The following AGAP1 variants were observed in gnomAD, a reference collection of about 807,000 sequenced individuals.
AGAP1 encodes ArfGAP with GTPase domain, ankyrin repeat and PH domain 1, also known as arf-GAP with GTPase, ANK repeat and PH domain-containing protein 1.
In AGAP1, 29 loss-of-function variants were observed where a neutral mutation model predicts 105.3. The observed-to-expected ratio is 0.28, with a 90% CI of 0.21 to 0.38. AGAP1 has a LOEUF of 0.38. Among genes scored for constraint, AGAP1 ranks in the 10% least tolerant of loss-of-function variants. AGAP1 has a pLI of 1.00. For missense variants in AGAP1, 998 were observed against 1,165.1 expected (o/e 0.86, Z 2.09); for synonymous variants, 509 against 485.9 (o/e 1.05, Z -0.63).
chr2:235,614,978 T>C lies in AGAP1; in HGVS notation c.164-94201T>C, dbSNP rs899883085. On this transcript the variant is annotated intron_variant, in intron 1 of 17. Coordinates refer to ENST00000304032, the MANE Select transcript of AGAP1 (RefSeq NM_001037131.3). The surrounding 1 kb of genome is among the most constrained non-coding windows in gnomAD (Gnocchi z 4.7). ...AAGTCCAAGTAAACTTCTGCCTGTG[T>C]GTGGTGCGCTCAAATAAAGGAGGCT... Among the ~76,000 whole-genome samples, 1 of 152,220 alleles carries C rather than the reference T, an allele frequency of 6.6e-6. No homozygotes were observed. Among genetic ancestry groups the C allele is most frequent in the Non-Finnish European group, 1.5e-5 (1 of 68,042 alleles).
At chr2:235,693,809 C>T (rs1401863410) in intron 1 of AGAP1, among the ~76,000 whole-genome samples, 2 of 152,180 alleles carry the variant, frequency 1.3e-5, no homozygotes, top group African/African-American at 4.8e-5. Context: ...CTGAAAAAAT[C>T]AGAAATAAAC....
Position 236,003,659 on chromosome 2 carries a change from A to G in AGAP1, c.1646-32902A>G, listed in dbSNP as rs1576028931. On this transcript the variant is annotated intron_variant, in intron 13 of 17. Coordinates refer to ENST00000304032, the MANE Select transcript of AGAP1 (RefSeq NM_001037131.3). This position sits in a 1 kb window ranked among gnomAD's most constrained non-coding sequence, Gnocchi z 4.2. ...GCGCCTGTTCTTTCTCTGGCTGTGCACCTGGCAGTGCTGAGAGGAGAGCCT... is the reference window on the plus strand; with the variant it reads ...GCGCCTGTTCTTTCTCTGGCTGTGCGCCTGGCAGTGCTGAGAGGAGAGCCT... Among the ~76,000 whole-genome samples the G allele has an allele frequency of 6.6e-6, 1 of 152,132 alleles. No individual in the cohort carries two copies. Among genetic ancestry groups the G allele is most frequent in the East Asian group, 1.9e-4 (1 of 5,186 alleles).
chr2:236,067,711 G>A (rs571122117), intron 16 of AGAP1, among the ~76,000 whole-genome samples: 3 of 152,308 alleles, frequency 2.0e-5, no homozygotes, highest in Non-Finnish European at 4.4e-5. Flanking sequence ...TCTCTGTTCT[G>A]GGGAAGAAAC....
intron 2 of AGAP1, among the ~76,000 whole-genome samples, chr2:235,713,719 C>T (rs919455595): frequency 1.1e-4 from 17 of 152,238 alleles, no homozygotes; most frequent in Non-Finnish European, 2.2e-4. Flanking sequence ...TTCGTCTCTT[C>T]TGGCTCCTGT....
rs1420244824 is a variant in AGAP1, at chr2:235,691,272, T to C, written c.164-17907T>C. 1.3e-5 allele frequency among the ~76,000 whole-genome samples: 2 copies of C among 152,148 alleles called. No individual in the cohort carries two copies. Among genetic ancestry groups the C allele is most frequent in the African/African-American group, 2.4e-5 (1 of 41,436 alleles). ...GGCTCTGTGCCTGGCCCCAGGACTG[T>C]CATATCCAGGGAAAGGTCACTCTCT... is the stretch of plus-strand genomic sequence containing the variant. On this transcript the variant is annotated intron_variant, in intron 1 of 17. Coordinates refer to ENST00000304032, the MANE Select transcript of AGAP1 (RefSeq NM_001037131.3). The surrounding 1 kb of genome is among the most constrained non-coding windows in gnomAD (Gnocchi z 4.4).
Position 235,750,318 on chromosome 2 carries a change from G to A in AGAP1, c.539-36G>A. The A allele has an allele frequency of 6.2e-7, 1 of 1,613,190 alleles. No individual in the cohort carries two copies. Among genetic ancestry groups the A allele is most frequent in the Non-Finnish European group, 8.5e-7 (1 of 1,179,252 alleles). ...GTAGGAAGTATTTAGAGCTGTCATT[G>A]TCACTGTGCCGTTACTTTTTGGTCT... On this transcript the variant is annotated intron_variant, in intron 5 of 17. Coordinates refer to ENST00000304032, the MANE Select transcript of AGAP1 (RefSeq NM_001037131.3). This position sits in a 1 kb window ranked among gnomAD's most constrained non-coding sequence, Gnocchi z 5.3.
chr2:236,098,667 C>T (rs1360912986), intron 16 of AGAP1, among the ~76,000 whole-genome samples: 1 of 138,640 alleles, frequency 7.2e-6, no homozygotes, highest in African/African-American at 2.9e-5. Context: ...CTCTGTTGCC[C>T]AGGCTGGAGT....
chr2:235,726,947 T>C (rs1951677590), intron 3 of AGAP1, among the ~76,000 whole-genome samples: 1 of 152,164 alleles, frequency 6.6e-6, no homozygotes, highest in African/African-American at 2.4e-5. Flanking sequence ...CTTGCCTGTG[T>C]TGGGTGGGCA....
At chr2:235,850,899 T>C (rs1192052827) in intron 9 of AGAP1, among the ~76,000 whole-genome samples, 1 of 152,182 alleles carries the variant, frequency 6.6e-6, no homozygotes, top group Non-Finnish European at 1.5e-5. Flanking sequence ...GATTGTGGTC[T>C]GTGGTGGGCA....
At chr2:235,774,940 A>G (rs1356223) in intron 6 of AGAP1, among the ~76,000 whole-genome samples, 36,192 of 152,076 alleles carry the variant, frequency 0.24, 4,911 homozygotes, top group Admixed American at 0.39. Context: ...TCTGGTGCCA[A>G]AATGTCAGTT....
intron 1 of AGAP1, chr2:235,670,381 CT>C: frequency 3.6e-6 from 2 of 552,972 alleles, no homozygotes; most frequent in Non-Finnish European, 3.3e-6. Flanking sequence ...ATTTCCGCAC[CT>C]TCCGCACCCG....
At chr2:235,898,306 T>C (rs1006783579) in intron 10 of AGAP1, among the ~76,000 whole-genome samples, 2 of 152,168 alleles carry the variant, frequency 1.3e-5, no homozygotes, top group Non-Finnish European at 2.9e-5. Context: ...CCCTTCTTTT[T>C]TTCCCCTTGC....
At chr2:235,762,087 G>C (rs1954490111) in intron 6 of AGAP1, among the ~76,000 whole-genome samples, 1 of 149,732 alleles carries the variant, frequency 6.7e-6, no homozygotes, top group Non-Finnish European at 1.5e-5. Flanking sequence ...CCAGCCTGGG[G>C]GGATAAGAGG....
chr2:235,982,543 G>T lies in AGAP1; in HGVS notation c.1645+13920G>T, dbSNP rs1245460623. 6.6e-6 allele frequency among the ~76,000 whole-genome samples: 1 copy of T among 152,114 alleles called. No individual in the cohort carries two copies. The highest frequency in any genetic ancestry group is 1.5e-5 in the Non-Finnish European group (1 of 68,026). ...AACCTGTATTATCATTGGTTCTAGG[G>T]GACTACTGAAGATAAGAATTTTCAA... On this transcript the variant is annotated intron_variant, in intron 13 of 17. Coordinates refer to ENST00000304032, the MANE Select transcript of AGAP1 (RefSeq NM_001037131.3). This position sits in a 1 kb window ranked among gnomAD's most constrained non-coding sequence, Gnocchi z 4.9.
intron 9 of AGAP1, among the ~76,000 whole-genome samples, chr2:235,850,789 G>C (rs947918878): frequency 1.3e-5 from 2 of 152,200 alleles, no homozygotes; most frequent in Non-Finnish European, 2.9e-5. Flanking sequence ...CATGATGACT[G>C]TACTTCAAAG....
chr2:236,068,679 A>C lies in AGAP1; in HGVS notation c.2114+19398A>C, dbSNP rs565382215. Among the ~76,000 whole-genome samples, 6 of 149,360 alleles carry C rather than the reference A, an allele frequency of 4.0e-5. No individual in the cohort carries two copies. In the South Asian group the frequency reaches 1.3e-3, roughly 32 times the overall value. On this transcript the variant is annotated intron_variant, in intron 16 of 17. Transcript: ENST00000304032. ...GCCGGGCGTGGTGGCGGGCGCCTGT[A>C]GTCCCAGCTACTCAGGAGGCTGAGG...
chr2:235,709,364 C>A, intron 2 of AGAP1, 127 bp downstream of exon 2: 1 of 1,105,574 alleles, frequency 9.0e-7, no homozygotes, highest in Non-Finnish European at 1.4e-6. Context: ...TGGGTGTGTT[C>A]CTGGGAAGGG....
chr2:235,633,650 C>T lies in AGAP1; in HGVS notation c.164-75529C>T, dbSNP rs1456731580. Among the ~76,000 whole-genome samples, 1 of 152,102 alleles carries T rather than the reference C, an allele frequency of 6.6e-6. No individual in the cohort carries two copies. The highest frequency in any genetic ancestry group is 6.5e-5 in the Admixed American group (1 of 15,268). On this transcript the variant is annotated intron_variant, in intron 1 of 17. Coordinates refer to ENST00000304032, the MANE Select transcript of AGAP1 (RefSeq NM_001037131.3). This position sits in a 1 kb window ranked among gnomAD's most constrained non-coding sequence, Gnocchi z 4.8. ...GATGGAGTGGGGAGACCTACAAGGC[C>T]TGTCTGTTCAGATTCCTCTTGGCCT...
chr2:235,780,101 TG>T lies in AGAP1; in HGVS notation c.674-17650del, dbSNP rs201919305. Among the ~76,000 whole-genome samples the T allele has an allele frequency of 1.1e-4, 16 of 151,860 alleles. No homozygotes were observed. The South Asian group carries it at 2.3e-3, about 22-fold the overall frequency. ...TGTTTGAAATAGGAGGTGACATTCC[TG>T]GGGGGGGCTGCCCCTCCCACCTCCA... On this transcript the variant is annotated intron_variant, in intron 6 of 17. Transcript: ENST00000304032.
Sources: allele counts gnomAD v4.1 joint callset (sites outside exome capture counted in the v4.1 genomes callset), GRCh38; gene constraint gnomAD v4.1.1; non-coding constraint Gnocchi (gnomAD v3.1); transcripts MANE v1.5; gene names NCBI Gene and HGNC (gene_info 2026-07-23, HGNC 2026-07-21).